Variants in SH3RF3 observed in about 807,000 individuals in gnomAD.
SH3RF3 encodes the protein E3 ubiquitin-protein ligase SH3RF3.
In SH3RF3, 29 loss-of-function variants were observed where a neutral mutation model predicts 66.3. The observed-to-expected ratio is 0.44, with a 90% confidence interval of 0.33 to 0.60. The LOEUF (loss-of-function observed/expected upper bound fraction) is 0.60. Among genes scored for constraint, SH3RF3 ranks in the 20% least tolerant of loss-of-function variants. The probability of loss-of-function intolerance (pLI) is 0.04; values close to 1 mark genes in which losing one functional copy is unlikely to be tolerated. For missense variants in SH3RF3, 1,194 were observed against 1,190.9 expected (o/e 1.00, Z -0.04); for synonymous variants, 583 against 532.0 (o/e 1.10, Z -1.32).
chr2:109,278,863 G>T (rs538318852), intron 1 of SH3RF3, among the ~76,000 whole-genome samples: 1 of 152,306 alleles, frequency 6.6e-6, no homozygotes, highest in East Asian at 1.9e-4. Flanking sequence ...GTGTGGGGAC[G>T]TGCACTCTGC....
intron 3 of SH3RF3, among the ~76,000 whole-genome samples, chr2:109,385,277 C>T (rs1022803727): frequency 1.3e-5 from 2 of 152,360 alleles, no homozygotes; most frequent in African/African-American, 4.8e-5. Flanking sequence ...GTGCACAAAA[C>T]AGCGCACAAA....
intron 1 of SH3RF3, among the ~76,000 whole-genome samples, chr2:109,163,801 A>C (rs1677552235): frequency 6.6e-6 from 1 of 152,210 alleles, no homozygotes; most frequent in Non-Finnish European, 1.5e-5. Flanking sequence ...AAACTTCTTA[A>C]TAATGGCTCT....
chr2:109,178,027 A>G (rs1227366454), intron 1 of SH3RF3, among the ~76,000 whole-genome samples: 4 of 152,150 alleles, frequency 2.6e-5, no homozygotes, highest in Non-Finnish European at 5.9e-5. Flanking sequence ...TTTTCTCCCA[A>G]TTGTTCAAGT....
intron 3 of SH3RF3, among the ~76,000 whole-genome samples, chr2:109,375,570 C>T (rs964925185): frequency 1.3e-5 from 2 of 152,220 alleles, no homozygotes; most frequent in African/African-American, 4.8e-5. Flanking sequence ...TTCAGAATTT[C>T]AGAAGGCGCT....
intron 1 of SH3RF3, among the ~76,000 whole-genome samples, chr2:109,325,430 C>T (rs1682131508): frequency 7.0e-6 from 1 of 142,242 alleles, no homozygotes; most frequent in South Asian, 2.3e-4. Context: ...TAATCTCAAA[C>T]CCTGGGCTCT....
intron 1 of SH3RF3, among the ~76,000 whole-genome samples, chr2:109,278,385 A>G (rs1680808576): frequency 6.6e-6 from 1 of 152,126 alleles, no homozygotes; most frequent in African/African-American, 2.4e-5. Flanking sequence ...TGCAGTGGTG[A>G]TGACACTTCT....
chr2:109,451,417 G>GGCC (rs1677863150), intron 8 of SH3RF3, among the ~76,000 whole-genome samples: 1 of 152,144 alleles, frequency 6.6e-6, no homozygotes, highest in South Asian at 2.1e-4. Flanking sequence ...GGAAAGTGGG[G>GGCC]GCTGTAATAG....
chr2:109,471,596 A>T (rs1394600498), intron 8 of SH3RF3, among the ~76,000 whole-genome samples: 3 of 152,232 alleles, frequency 2.0e-5, no homozygotes, highest in Non-Finnish European at 4.4e-5. Flanking sequence ...TCATTGGAAC[A>T]GCTCATGTAG....
chr2:109,218,430 C>T (rs1340240986), intron 1 of SH3RF3, among the ~76,000 whole-genome samples: 4 of 152,262 alleles, frequency 2.6e-5, no homozygotes, highest in Non-Finnish European at 4.4e-5. Context: ...TTATGCTTAA[C>T]AAAACGAGCT....
chr2:109,424,501 C>T (rs777784275), intron 5 of SH3RF3, among the ~76,000 whole-genome samples: 6 of 152,156 alleles, frequency 3.9e-5, no homozygotes, highest in Non-Finnish European at 7.3e-5. Context: ...ATTGAAGCTT[C>T]GGGGCAACCC....
chr2:109,421,658 C>G (rs1387364753), intron 5 of SH3RF3, among the ~76,000 whole-genome samples: 2 of 152,170 alleles, frequency 1.3e-5, no homozygotes, highest in Admixed American at 6.5e-5. Flanking sequence ...CTGGGCTTCT[C>G]CCCCAGGGGA....
chr2:109,235,677 G>A (rs1412423029), intron 1 of SH3RF3, among the ~76,000 whole-genome samples: 1 of 152,212 alleles, frequency 6.6e-6, no homozygotes, highest in Non-Finnish European at 1.5e-5. Context: ...GAGAGTGTAC[G>A]TGTCTACCAA....
chr2:109,351,872 C>G (rs958487246), intron 2 of SH3RF3, among the ~76,000 whole-genome samples: 2 of 152,234 alleles, frequency 1.3e-5, no homozygotes, highest in African/African-American at 4.8e-5. Context: ...ATGTGACCTT[C>G]TTATGCTGCT....
chr2:109,419,715 G>C (rs140650282), intron 5 of SH3RF3, 73 bp downstream of exon 5: 21 of 1,425,994 alleles, frequency 1.5e-5, no homozygotes, highest in Non-Finnish European at 2.0e-5. Flanking sequence ...ACCTGTCCAC[G>C]TGTGGTTTCC....
chr2:109,238,865 T>C (rs903204385), intron 1 of SH3RF3, among the ~76,000 whole-genome samples: 2 of 152,160 alleles, frequency 1.3e-5, no homozygotes, highest in African/African-American at 4.8e-5. Context: ...CCCTTCTCTC[T>C]GTCCCAAGGG....
chr2:109,465,352 A>G (rs1678313667), intron 8 of SH3RF3, among the ~76,000 whole-genome samples: 1 of 152,210 alleles, frequency 6.6e-6, no homozygotes, highest in Non-Finnish European at 1.5e-5. Flanking sequence ...GGAGTATGTA[A>G]GAGTATGTGC....
intron 1 of SH3RF3, among the ~76,000 whole-genome samples, chr2:109,148,269 A>G (rs143413652): frequency 1.2e-4 from 19 of 152,236 alleles, no homozygotes; most frequent in Non-Finnish European, 2.6e-4. Flanking sequence ...GGCCCCGATC[A>G]TGCCACATGA....
chr2:109,402,958 T>C (rs185544877), intron 4 of SH3RF3, among the ~76,000 whole-genome samples: 59 of 152,152 alleles, frequency 3.9e-4, no homozygotes, highest in Admixed American at 1.1e-3. Flanking sequence ...TGCTGGGCAC[T>C]GTGCTGTCCA....
rs563271783 is a variant in SH3RF3 at position 109,183,211 on chromosome 2, C to T, written c.573+53098C>T. ...TAATTACTGAATCTGTGTTAACTTG[C>T]CTTCTTGTATACTGATTCTCAAAAA... is the stretch of plus-strand genomic sequence containing the variant. On this transcript the variant is annotated intron_variant, in intron 1 of 9. Transcript: ENST00000309415. 2.2e-3 allele frequency among the ~76,000 whole-genome samples: 341 copies of T among 152,286 alleles called. 3 individuals are homozygous for T. The highest frequency in any genetic ancestry group is 3.2e-3 in the Non-Finnish European group (215 of 68,010).
Sources: gnomAD v4.1 joint callset for allele counts (sites outside exome capture counted in the v4.1 genomes callset) on GRCh38, gnomAD v4.1.1 for gene constraint, MANE v1.5 for transcripts, NCBI Gene and HGNC (gene_info 2026-07-23, HGNC 2026-07-21) for gene names.